The following PLCB1 variants were observed in gnomAD, a reference collection of about 807,000 sequenced individuals.
The protein encoded by PLCB1 is phospholipase C beta 1.
In PLCB1, 46 loss-of-function variants were observed where a neutral mutation model predicts 161.8. The ratio of observed to expected loss-of-function variants is 0.28; its 90% CI spans 0.22 to 0.36. The LOEUF is 0.36. PLCB1 is among the 10% of genes least tolerant of loss of function. The pLI, the probability that PLCB1 is intolerant of heterozygous loss-of-function variation, is 1.00. For synonymous variants in PLCB1, 517 were observed against 503.7 expected (o/e 1.03, Z -0.35); for missense variants, 1,016 against 1,472.5 (o/e 0.69, Z 5.07).
At chr20:8,311,454 G>A (rs562263304) in intron 2 of PLCB1, among the ~76,000 whole-genome samples, 2 of 152,292 alleles carry the variant, frequency 1.3e-5, no homozygotes, top group South Asian at 2.1e-4. Flanking sequence ...ATGTGGTCAG[G>A]GAGGATTTGA....
intron 23 of PLCB1, among the ~76,000 whole-genome samples, chr20:8,755,477 A>G (rs1443042388): frequency 6.6e-6 from 1 of 152,222 alleles, no homozygotes; most frequent in Non-Finnish European, 1.5e-5. Context: ...CAATTCTGAT[A>G]AAGAGTTACA....
At chr20:8,363,581 T>C (rs1159061302) in intron 2 of PLCB1, among the ~76,000 whole-genome samples, 1 of 152,160 alleles carries the variant, frequency 6.6e-6, no homozygotes, top group Non-Finnish European at 1.5e-5. Context: ...CAAAATTCAC[T>C]CACTCTTGCT....
intron 11 of PLCB1, among the ~76,000 whole-genome samples, chr20:8,700,981 G>A (rs1276152232): frequency 1.3e-5 from 2 of 152,188 alleles, no homozygotes; most frequent in Non-Finnish European, 2.9e-5. Flanking sequence ...GGAAAGACAA[G>A]TAAGTCTCCT....
At chr20:8,687,516 C>G (rs1472803748) in intron 10 of PLCB1, among the ~76,000 whole-genome samples, 1 of 152,124 alleles carries the variant, frequency 6.6e-6, no homozygotes, top group Non-Finnish European at 1.5e-5. Flanking sequence ...TCCCCAAAGT[C>G]TATTATATCA....
rs534369078 is a variant in PLCB1, at chr20:8,744,293, A to G, written c.2523+2720A>G. ...TGTATTTTCAGTATTTAGAGGAAAT[A>G]CTTTTTAGATTATCAACTTTAACCC... On this transcript the variant is annotated intron_variant, in intron 23 of 31. Transcript: ENST00000338037. Among the ~76,000 whole-genome samples the G allele has an allele frequency of 4.6e-5, 7 of 152,350 alleles. No homozygotes were observed. The South Asian group carries it at 1.4e-3, about 32-fold the overall frequency.
intron 3 of PLCB1, among the ~76,000 whole-genome samples, chr20:8,402,862 A>T (rs1228290025): frequency 1.3e-5 from 2 of 152,042 alleles, no homozygotes; most frequent in Non-Finnish European, 2.9e-5. Context: ...TAAAAAAAAA[A>T]TTTAAAAAAA....
intron 23 of PLCB1, among the ~76,000 whole-genome samples, chr20:8,750,082 T>G (rs1346863123): frequency 1.3e-5 from 2 of 152,214 alleles, no homozygotes; most frequent in Non-Finnish European, 2.9e-5. Context: ...ATTATAAAAT[T>G]TATACATCTA....
At chr20:8,738,330 C>T (rs1980689377) in intron 20 of PLCB1, among the ~76,000 whole-genome samples, 1 of 152,192 alleles carries the variant, frequency 6.6e-6, no homozygotes, top group Admixed American at 6.5e-5. Context: ...TATTTCTCCA[C>T]ATCCTCTCCA....
chr20:8,870,235 G>A (rs1172931707), intron 31 of PLCB1, among the ~76,000 whole-genome samples: 2 of 152,170 alleles, frequency 1.3e-5, no homozygotes, highest in East Asian at 1.9e-4. Context: ...CCATATCCTT[G>A]AGAAAGACCC....
intron 3 of PLCB1, among the ~76,000 whole-genome samples, chr20:8,508,169 A>G (rs1983719309): frequency 6.6e-6 from 1 of 152,202 alleles, no homozygotes; most frequent in South Asian, 2.1e-4. Context: ...AAAGGCAGCC[A>G]GGAGCAGTCG....
intron 3 of PLCB1, among the ~76,000 whole-genome samples, chr20:8,601,794 A>T (rs947287098): frequency 6.6e-6 from 1 of 152,210 alleles, no homozygotes; most frequent in Non-Finnish European, 1.5e-5. Context: ...CTAGAAAGCT[A>T]CCAGACATTG....
In PLCB1 at chr20:8,424,463, G is replaced by C. The variant is rs116677392; in HGVS notation, c.246+53013G>C. On this transcript the variant is annotated intron_variant, in intron 3 of 31. Transcript: ENST00000338037. The stretch of plus-strand genomic sequence containing the variant: ...CTTTTAGTATGGAGAGGCTCATTTG[G>C]CAATTCCCTCACCTTTTTAGTAGAA... Among the ~76,000 whole-genome samples the C allele has an allele frequency of 4.0e-3, 612 of 152,032 alleles. 5 individuals carry two copies. Among genetic ancestry groups the C allele is most frequent in the African/African-American group, 0.014 (576 of 41,450 alleles).
intron 3 of PLCB1, among the ~76,000 whole-genome samples, chr20:8,456,325 C>T (rs1403472805): frequency 6.6e-6 from 1 of 152,144 alleles, no homozygotes; most frequent in Non-Finnish European, 1.5e-5. Context: ...TGCTTGTACC[C>T]AGCAGTGTTA....
chr20:8,325,898 G>A (rs1334663515), intron 2 of PLCB1, among the ~76,000 whole-genome samples: 1 of 152,170 alleles, frequency 6.6e-6, no homozygotes, highest in Non-Finnish European at 1.5e-5. Context: ...AGCTCCAGAG[G>A]ACAACACCTT....
intron 24 of PLCB1, among the ~76,000 whole-genome samples, chr20:8,757,549 T>C (rs1333702585): frequency 6.6e-6 from 1 of 152,184 alleles, no homozygotes; most frequent in Admixed American, 6.5e-5. Context: ...TGCCAAGGGC[T>C]CCTTTCCCTC....
intron 2 of PLCB1, among the ~76,000 whole-genome samples, chr20:8,274,590 C>T (rs779208826): frequency 6.6e-6 from 1 of 151,970 alleles, no homozygotes; most frequent in Non-Finnish European, 1.5e-5. Flanking sequence ...TGTTCTCCTG[C>T]CTCATTTGCC....
intron 2 of PLCB1, among the ~76,000 whole-genome samples, chr20:8,197,064 A>G (rs1217728287): frequency 1.3e-5 from 2 of 152,220 alleles, no homozygotes; most frequent in African/African-American, 2.4e-5. Context: ...AATCCTGTCT[A>G]TCATTGTTGG....
At chr20:8,717,373 T>C (rs1377377931) in intron 13 of PLCB1, among the ~76,000 whole-genome samples, 1 of 152,252 alleles carries the variant, frequency 6.6e-6, no homozygotes, top group African/African-American at 2.4e-5. Flanking sequence ...TGATTGGGTT[T>C]CTATGTTCCA....
chr20:8,654,000 A>G (rs1377204735), intron 7 of PLCB1, among the ~76,000 whole-genome samples: 1 of 152,106 alleles, frequency 6.6e-6, no homozygotes, highest in Non-Finnish European at 1.5e-5. Flanking sequence ...TATGTTTGAT[A>G]TACTGTAAAT....
Sources: allele counts gnomAD v4.1 joint callset (sites outside exome capture counted in the v4.1 genomes callset), GRCh38; gene constraint gnomAD v4.1.1; transcripts MANE v1.5; gene names NCBI Gene and HGNC (gene_info 2026-07-23, HGNC 2026-07-21).